The following CAPZB variants were observed in gnomAD, a reference collection of about 807,000 sequenced individuals.
CAPZB encodes capping actin protein of muscle Z-line subunit beta.
Under a neutral mutation model 38.1 loss-of-function variants are expected in CAPZB, and 2 were observed. That is an observed-to-expected ratio of 0.05 (90% CI 0.02 to 0.17). CAPZB has a LOEUF of 0.17. CAPZB is among the 10% of genes least tolerant of loss of function. The probability of loss-of-function intolerance (pLI) is 1.00; values close to 1 mark genes in which losing one functional copy is unlikely to be tolerated. For synonymous variants in CAPZB, 107 were observed against 127.4 expected (o/e 0.84, Z 1.08); for missense variants, 161 against 334.2 (o/e 0.48, Z 4.04).
rs1464224786 is a variant in CAPZB, at chr1:19,384,733, G to A, written c.215+772C>T. ...TTCCTCTACCATTCTCCAAGGCAGT[G>A]ACTACTGCAATTCATCATGGAAACA... On this transcript the variant is annotated intron_variant, in intron 3 of 8. Transcript: ENST00000264202. 2.6e-5 allele frequency among the ~76,000 whole-genome samples: 4 copies of A among 152,240 alleles called. No individual in the cohort carries two copies. In the South Asian group the frequency reaches 8.3e-4, roughly 32 times the overall value.
At chr1:19,392,431 G>C (rs748927143) in intron 2 of CAPZB, among the ~76,000 whole-genome samples, 2 of 151,654 alleles carry the variant, frequency 1.3e-5, no homozygotes, top group Non-Finnish European at 2.9e-5. Flanking sequence ...GAGGAGCAAA[G>C]CGCGGCTGGA....
chr1:19,362,227 A>G (rs2094056916), intron 4 of CAPZB, among the ~76,000 whole-genome samples: 1 of 152,152 alleles, frequency 6.6e-6, no homozygotes, highest in Non-Finnish European at 1.5e-5. Context: ...TCTGTCGCCC[A>G]GGCTGGAGTG....
chr1:19,470,322 T>C (rs965808021), intron 1 of CAPZB, among the ~76,000 whole-genome samples: 1 of 152,202 alleles, frequency 6.6e-6, no homozygotes, highest in African/African-American at 2.4e-5. Flanking sequence ...ATGATTCCTG[T>C]CCCTATGTAC....
At chr1:19,385,742 A>C in intron 2 of CAPZB, 116 bp from the exon 3 acceptor site, 2 of 1,216,214 alleles carry the variant, frequency 1.6e-6, no homozygotes, top group Non-Finnish European at 2.4e-6. Context: ...GGCCCTGGGC[A>C]CTGAGACAAA....
intron 1 of CAPZB, among the ~76,000 whole-genome samples, chr1:19,435,314 AG>A (rs1407692723): frequency 2.0e-5 from 3 of 152,230 alleles, no homozygotes; most frequent in African/African-American, 7.2e-5. Context: ...TGTCTCAAGA[AG>A]AAAGCTGGCT....
intron 1 of CAPZB, among the ~76,000 whole-genome samples, chr1:19,466,545 T>C (rs2094569830): frequency 6.6e-6 from 1 of 152,102 alleles, no homozygotes; most frequent in Non-Finnish European, 1.5e-5. Flanking sequence ...ACTCAAAACG[T>C]GTGAGCCTGG....
intron 4 of CAPZB, among the ~76,000 whole-genome samples, chr1:19,375,987 G>A (rs1287654668): frequency 6.6e-6 from 1 of 152,168 alleles, no homozygotes; most frequent in Non-Finnish European, 1.5e-5. Context: ...ATATGTGAAC[G>A]ATGAGATGGG....
intron 2 of CAPZB, among the ~76,000 whole-genome samples, chr1:19,388,928 C>T (rs1558213876): frequency 1.3e-5 from 2 of 152,318 alleles, no homozygotes; most frequent in African/African-American, 2.4e-5. Context: ...GCTTGTCCTA[C>T]AGTGAAAAGC....
chr1:19,434,970 GTT>G, intron 1 of CAPZB, among the ~76,000 whole-genome samples: 1 of 71,162 alleles, frequency 1.4e-5, no homozygotes, highest in African/African-American at 4.3e-5. Flanking sequence ...CAGTCAAAAA[GTT>G]TTTTTTTTCC....
rs187125626 is a variant in CAPZB, at chr1:19,477,028, G to A, written c.3+8408C>T. ...AAGTTACTACACCTCTCTGAGCTCC[G>A]GTTTCCTTATCTGCAAAATGAGGAA... On this transcript the variant is annotated intron_variant, in intron 1 of 8. Coordinates refer to ENST00000264202, the MANE Select transcript of CAPZB (RefSeq NM_004930.5). Among the ~76,000 whole-genome samples, 112 of 152,300 alleles carry A rather than the reference G, an allele frequency of 7.4e-4. No individual in the cohort carries two copies. The East Asian group carries it at 8.5e-3, about 12-fold the overall frequency.
intron 2 of CAPZB, among the ~76,000 whole-genome samples, chr1:19,412,051 G>A (rs999384508): frequency 2.6e-5 from 4 of 152,326 alleles, no homozygotes; most frequent in South Asian, 2.1e-4. Flanking sequence ...AAAGGCTCAC[G>A]TGAAAAGACT....
chr1:19,357,764 G>A lies in CAPZB; in HGVS notation c.330-201C>T, dbSNP rs1230041112. Among the ~76,000 whole-genome samples, 7 of 152,028 alleles carry A rather than the reference G, an allele frequency of 4.6e-5. No homozygotes were observed. Among genetic ancestry groups the A allele is most frequent in the East Asian group, 1.9e-4 (1 of 5,190 alleles). On this transcript the variant is annotated intron_variant, in intron 4 of 8. Transcript: ENST00000264202. This position sits in a 1 kb window ranked among gnomAD's most constrained non-coding sequence, Gnocchi z 4.3. ...TCCTGGGGGTGTAGTAGGTTTAGGC[G>A]TCATAAAGATGAATCTGAGGTTGGA...
At chr1:19,450,144 CAAAAAAAAAAA>C (rs71008167) in intron 1 of CAPZB, among the ~76,000 whole-genome samples, 5 of 35,464 alleles carry the variant, frequency 1.4e-4, no homozygotes, top group Middle Eastern at 0.013. Flanking sequence ...ACCCTGTCTC[CAAAAAAAAAAA>C]AAAAAAAAAA....
chr1:19,432,516 T>A (rs1331395743), intron 1 of CAPZB, among the ~76,000 whole-genome samples: 1 of 152,242 alleles, frequency 6.6e-6, no homozygotes, highest in Non-Finnish European at 1.5e-5. Flanking sequence ...GAATTGATCT[T>A]TATTAAGAAT....
intron 2 of CAPZB, among the ~76,000 whole-genome samples, chr1:19,414,166 T>G (rs986241949): frequency 1.3e-5 from 2 of 152,062 alleles, no homozygotes; most frequent in Admixed American, 1.3e-4. Flanking sequence ...CCCCAAGCAC[T>G]CAGCCTTCTC....
At chr1:19,448,755 T>C in intron 1 of CAPZB, 1 of 1,529,930 alleles carries the variant, frequency 6.5e-7, no homozygotes, top group Non-Finnish European at 9.0e-7. Context: ...CCCTTCACCC[T>C]GGCAGTTAAC....
intron 6 of CAPZB, among the ~76,000 whole-genome samples, chr1:19,351,491 G>A (rs1256482423): frequency 2.0e-5 from 3 of 152,110 alleles, no homozygotes. Flanking sequence ...TGTTGGGAGG[G>A]GTGAAGGGGT....
At chr1:19,426,873 G>A (rs1392090947) in intron 1 of CAPZB, among the ~76,000 whole-genome samples, 1 of 152,248 alleles carries the variant, frequency 6.6e-6, no homozygotes, top group Non-Finnish European at 1.5e-5. Flanking sequence ...GACACAGAAG[G>A]ATTTGTCTGG....
At chr1:19,370,128 C>T (rs1455289649) in intron 4 of CAPZB, among the ~76,000 whole-genome samples, 1 of 152,220 alleles carries the variant, frequency 6.6e-6, no homozygotes, top group Non-Finnish European at 1.5e-5. Context: ...CAGGCCTGTG[C>T]GCCTCTCCCC....
Sources: gnomAD v4.1 joint callset for allele counts (sites outside exome capture counted in the v4.1 genomes callset) on GRCh38, gnomAD v4.1.1 for gene constraint, Gnocchi (gnomAD v3.1) non-coding constraint, MANE v1.5 for transcripts, NCBI Gene and HGNC (gene_info 2026-07-23, HGNC 2026-07-21) for gene names.